THBS4: variants seen among roughly 807,000 people sequenced by gnomAD.
THBS4 encodes thrombospondin-4.
Under a neutral mutation model 115.7 loss-of-function variants are expected in THBS4, and 90 were observed. That is an observed-to-expected ratio of 0.78 (90% CI 0.66 to 0.93). The LOEUF is 0.93. Ranked by LOEUF, THBS4 falls within the 40% of genes least tolerant of loss-of-function variation. The pLI, the probability that THBS4 is intolerant of heterozygous loss-of-function variation, is 0.00. For missense variants in THBS4, 1,087 were observed against 1,232.7 expected (o/e 0.88, Z 1.77); for synonymous variants, 460 against 479.3 (o/e 0.96, Z 0.53).
At chr5:80,067,126 A>G (rs1421634314) in intron 9 of THBS4, 1 of 151,936 alleles carries the variant, frequency 6.6e-6, no homozygotes, top group African/African-American at 2.4e-5. Context: ...ATACTATATT[A>G]TATATATGAA....
At chr5:80,025,831 CT>C in intron 2 of THBS4, among the ~76,000 whole-genome samples, 2 of 152,240 alleles carry the variant, frequency 1.3e-5, no homozygotes, top group Middle Eastern at 6.8e-3. Context: ...TCTGGGTAAA[CT>C]TTATTAGATT....
In THBS4 at chr5:80,055,112, G is replaced by A. The variant is rs185563858; in HGVS notation, c.293-673G>A. ...CGAGGCAGGTGGATCGCTTGAGCTC[G>A]GGATTTCGAGACCAGCCTGGGCAAC... is the stretch of plus-strand genomic sequence containing the variant. On this transcript the variant is annotated intron_variant, in intron 2 of 21. Transcript: ENST00000350881. Among the ~76,000 whole-genome samples the A allele has an allele frequency of 4.4e-4, 67 of 151,904 alleles. No individual in the cohort carries two copies. The East Asian group carries it at 0.012, about 27-fold the overall frequency.
chr5:80,009,655 T>C (rs1007831672), intron 2 of THBS4, among the ~76,000 whole-genome samples: 1 of 105,548 alleles, frequency 9.5e-6, no homozygotes, highest in African/African-American at 3.6e-5. Flanking sequence ...GAAGAAAAAC[T>C]CAAAAAAAAA....
chr5:80,037,474 A>G (rs1832753414), intron 1 of THBS4, among the ~76,000 whole-genome samples: 1 of 152,208 alleles, frequency 6.6e-6, no homozygotes, highest in Admixed American at 6.5e-5. Flanking sequence ...CTCTAACAGT[A>G]GAGGGTTGTG....
intron 2 of THBS4, among the ~76,000 whole-genome samples, chr5:80,011,130 AGG>A (rs1201848028): frequency 6.6e-6 from 1 of 152,180 alleles, no homozygotes; most frequent in African/African-American, 2.4e-5. Context: ...CAGTTTTAAA[AGG>A]GGGAATTTCC....
chr5:80,072,416 A>T lies in THBS4; in HGVS notation c.1839+20A>T. On this transcript the variant is annotated intron_variant, in intron 14 of 21. Transcript: ENST00000350881. Reference sequence around the variant, plus strand: ...AACCAGGTTAGTAGGATACTGGGGAATTCAAACTCCAGGCTGAATTCCTCT... The same window carrying T: ...AACCAGGTTAGTAGGATACTGGGGATTTCAAACTCCAGGCTGAATTCCTCT... The T allele has an allele frequency of 6.3e-7, 1 of 1,598,098 alleles. No homozygotes were observed. Among genetic ancestry groups the T allele is most frequent in the Non-Finnish European group, 8.6e-7 (1 of 1,165,954 alleles).
exon 1 of THBS4, chr5:79,991,349 G>A: frequency 1.0e-6 from 1 of 969,224 alleles, no homozygotes. Flanking sequence ...GGGCTCTTGA[G>A]AGATGAGAGA....
At chr5:80,081,829 G>A (rs115138010) in intron 20 of THBS4, among the ~76,000 whole-genome samples, 148 of 152,202 alleles carry the variant, frequency 9.7e-4, no homozygotes, top group African/African-American at 3.4e-3. Flanking sequence ...GATTGTTCTC[G>A]CCAGGGCATT....
chr5:80,023,429 C>T (rs1832417481), intron 2 of THBS4, among the ~76,000 whole-genome samples: 1 of 152,184 alleles, frequency 6.6e-6, no homozygotes, highest in Non-Finnish European at 1.5e-5. Context: ...ACTCTAAGTC[C>T]TGCTGTATTT....
At chr5:80,027,199 G>A (rs1032015548) in intron 2 of THBS4, among the ~76,000 whole-genome samples, 8 of 152,164 alleles carry the variant, frequency 5.3e-5, no homozygotes, top group South Asian at 2.1e-4. Context: ...GGGTATGTCT[G>A]TGACCAACTC....
At chr5:80,060,370 A>G (rs1003464349) in intron 7 of THBS4, among the ~76,000 whole-genome samples, 3 of 152,178 alleles carry the variant, frequency 2.0e-5, no homozygotes, top group Non-Finnish European at 4.4e-5. Flanking sequence ...CCTATGAGTA[A>G]CTAAACGTGC....
At chr5:80,003,813 G>A (rs1276852917) in intron 2 of THBS4, among the ~76,000 whole-genome samples, 2 of 152,098 alleles carry the variant, frequency 1.3e-5, no homozygotes, top group African/African-American at 2.4e-5. Flanking sequence ...ATAGTTAATC[G>A]TCCTCTATAG....
chr5:80,073,387 T>C (rs1743003574), intron 15 of THBS4, 60 bp downstream of exon 15: 7 of 1,489,074 alleles, frequency 4.7e-6, no homozygotes, highest in Non-Finnish European at 6.4e-6. Flanking sequence ...GGGTTTTTGG[T>C]TTGTTTTTTT....
chr5:79,991,465 T>A, intron 1 of THBS4: 1 of 465,604 alleles, frequency 2.1e-6, no homozygotes, highest in East Asian at 3.3e-5. Context: ...CAAATATTAA[T>A]ATTTATTAGA....
intron 15 of THBS4, 129 bp from the exon 16 acceptor site, chr5:80,076,726 A>C (rs1451651377): frequency 1.1e-5 from 10 of 899,704 alleles, no homozygotes; most frequent in Non-Finnish European, 1.6e-5. Context: ...GAATGACCCC[A>C]GTGGGTTTGA....
intron 1 of THBS4, among the ~76,000 whole-genome samples, chr5:79,998,167 C>T (rs1384398307): frequency 6.6e-6 from 1 of 152,196 alleles, no homozygotes; most frequent in Admixed American, 6.5e-5. Flanking sequence ...GCCCAAATCA[C>T]ATGTCGAATT....
intron 2 of THBS4, among the ~76,000 whole-genome samples, chr5:80,012,365 A>G (rs2151155016): frequency 6.6e-6 from 1 of 152,286 alleles, no homozygotes; most frequent in East Asian, 1.9e-4. Context: ...GTGACACTGT[A>G]TGAGGTAGTG....
chr5:80,058,637 A>G, intron 4 of THBS4, 71 bp from the exon 5 acceptor site: 1 of 1,296,452 alleles, frequency 7.7e-7, no homozygotes, highest in East Asian at 2.3e-5. Flanking sequence ...CCTGGGGAAT[A>G]ATTTGGTTTT....
At chr5:80,023,032 A>G (rs1832408880) in intron 2 of THBS4, among the ~76,000 whole-genome samples, 1 of 152,224 alleles carries the variant, frequency 6.6e-6, no homozygotes, top group Non-Finnish European at 1.5e-5. Flanking sequence ...CAAGAACACC[A>G]GCCTCAATTA....
Sources: gnomAD v4.1 joint callset for allele counts (sites outside exome capture counted in the v4.1 genomes callset) on GRCh38, gnomAD v4.1.1 for gene constraint, MANE v1.5 for transcripts, NCBI Gene and HGNC (gene_info 2026-07-23, HGNC 2026-07-21) for gene names.